TAFA2: variants seen among roughly 807,000 people sequenced by gnomAD.
TAFA2 encodes chemokine-like protein TAFA-2.
Under a neutral mutation model 18.8 loss-of-function variants are expected in TAFA2, and 7 were observed. The ratio of observed to expected loss-of-function variants is 0.37; its 90% CI spans 0.21 to 0.70. The LOEUF is 0.70. TAFA2 is among the 30% of genes least tolerant of loss of function. The probability of loss-of-function intolerance (pLI) is 0.53; values close to 1 mark genes in which losing one functional copy is unlikely to be tolerated. For synonymous variants in TAFA2, 60 were observed against 54.2 expected (o/e 1.11, Z -0.47); for missense variants, 122 against 158.1 (o/e 0.77, Z 1.23).
At chr12:62,066,432 T>G (rs1013334514) in intron 1 of TAFA2, among the ~76,000 whole-genome samples, 1 of 151,774 alleles carries the variant, frequency 6.6e-6, no homozygotes, top group African/African-American at 2.4e-5. Context: ...CCATCCTCAC[T>G]TCCCCCACTT....
intron 4 of TAFA2, among the ~76,000 whole-genome samples, chr12:61,732,059 G>C (rs902818567): frequency 6.6e-6 from 1 of 152,050 alleles, no homozygotes; most frequent in Non-Finnish European, 1.5e-5. Flanking sequence ...GAATTAAGTC[G>C]AGAGAAAGAG....
chr12:61,973,574 C>A (rs1282687716), intron 1 of TAFA2, among the ~76,000 whole-genome samples: 1 of 151,502 alleles, frequency 6.6e-6, no homozygotes, highest in Non-Finnish European at 1.5e-5. Flanking sequence ...CAAGCTATCA[C>A]CCAGAACAAT....
At chr12:61,797,596 G>C (rs1312397828) in intron 2 of TAFA2, among the ~76,000 whole-genome samples, 1 of 152,148 alleles carries the variant, frequency 6.6e-6, no homozygotes, top group Non-Finnish European at 1.5e-5. Context: ...CCTCCATGTA[G>C]AAACTCTAAG....
At chr12:62,203,403 T>C (rs1486330337) in intron 1 of TAFA2, among the ~76,000 whole-genome samples, 5 of 152,236 alleles carry the variant, frequency 3.3e-5, no homozygotes, top group Admixed American at 2.6e-4. Flanking sequence ...GTTAATTTTC[T>C]GTCTCGATCA....
chr12:62,139,574 CAGA>C (rs1329978643), intron 1 of TAFA2, among the ~76,000 whole-genome samples: 2 of 152,150 alleles, frequency 1.3e-5, no homozygotes, highest in Non-Finnish European at 2.9e-5. Context: ...TGGTTTGGGA[CAGA>C]AGAAGGGATA....
chr12:61,911,290 T>A (rs1279898861), intron 1 of TAFA2, among the ~76,000 whole-genome samples: 1 of 152,192 alleles, frequency 6.6e-6, no homozygotes, highest in Admixed American at 6.6e-5. Context: ...ACCCCTCTAG[T>A]TTCAGAATCT....
At chr12:61,760,573 G>T (rs1869500032) in intron 2 of TAFA2, among the ~76,000 whole-genome samples, 1 of 151,406 alleles carries the variant, frequency 6.6e-6, no homozygotes. Flanking sequence ...CTCAGTATGT[G>T]GTATGTGTTT....
At chr12:62,164,732 T>C (rs1290460739) in intron 1 of TAFA2, among the ~76,000 whole-genome samples, 1 of 152,156 alleles carries the variant, frequency 6.6e-6, no homozygotes, top group Non-Finnish European at 1.5e-5. Context: ...CAGAGTAGTT[T>C]CTAATTGTTA....
chr12:61,996,805 G>T (rs1880205102), intron 1 of TAFA2, among the ~76,000 whole-genome samples: 1 of 152,080 alleles, frequency 6.6e-6, no homozygotes. Context: ...TAAGTCTCAA[G>T]CAATTTCCAA....
chr12:62,255,340 A>C (rs1258380830), intron 1 of TAFA2: 1 of 152,190 alleles, frequency 6.6e-6, no homozygotes, highest in Non-Finnish European at 1.5e-5. Context: ...AATAACAAGA[A>C]AATATAAAGT....
intron 4 of TAFA2, among the ~76,000 whole-genome samples, chr12:61,744,853 G>A (rs984953925): frequency 3.3e-5 from 5 of 152,016 alleles, no homozygotes; most frequent in Admixed American, 6.6e-5. Flanking sequence ...GTCTAAAAAT[G>A]TTACTTTTAC....
At chr12:61,941,637 C>G (rs954061300) in intron 1 of TAFA2, among the ~76,000 whole-genome samples, 1 of 152,192 alleles carries the variant, frequency 6.6e-6, no homozygotes, top group East Asian at 1.9e-4. Context: ...ATTGCCTCAC[C>G]TGGGAAGCGC....
rs148086131 is a variant in TAFA2, at chr12:61,794,413, ATAATT to A, written c.107-39394_107-39390del. ...TTACAAATTGAAATTTTAAAAATGT[ATAATT>A]TAGAGTAGCATCACAAAATATGAAA... On this transcript the variant is annotated intron_variant, in intron 2 of 4. Transcript: ENST00000416284. Among the ~76,000 whole-genome samples the A allele has an allele frequency of 2.2e-3, 329 of 152,176 alleles. 1 individual carries two copies. The highest frequency in any genetic ancestry group is 3.9e-3 in the Non-Finnish European group (264 of 67,980).
intron 1 of TAFA2, among the ~76,000 whole-genome samples, chr12:62,068,503 G>A (rs1306757559): frequency 6.6e-6 from 1 of 152,020 alleles, no homozygotes; most frequent in Non-Finnish European, 1.5e-5. Flanking sequence ...TTTTCTGCTG[G>A]TATCCAAAGA....
chr12:62,035,849 C>G (rs1881593015), intron 1 of TAFA2, among the ~76,000 whole-genome samples: 1 of 144,454 alleles, frequency 6.9e-6, no homozygotes, highest in East Asian at 2.1e-4. Flanking sequence ...TCACGCCATT[C>G]TCCTGCCTCA....
chr12:62,101,046 A>G (rs1490279433), intron 1 of TAFA2, among the ~76,000 whole-genome samples: 1 of 152,148 alleles, frequency 6.6e-6, no homozygotes, highest in Non-Finnish European at 1.5e-5. Context: ...CTTCAGATAT[A>G]TCTATACACA....
rs758431166 is a variant in TAFA2, at chr12:62,013,537, C to T, written c.-1-146111G>A. On this transcript the variant is annotated intron_variant, in intron 1 of 4. Transcript: ENST00000416284. ...TACTGCACCCAGATATTAAACACTA[C>T]ACACATCATCATCACACAGCATGGT... Among the ~76,000 whole-genome samples the T allele has an allele frequency of 9.7e-4, 148 of 152,310 alleles. 3 individuals carry two copies. The highest frequency in any genetic ancestry group is 1.3e-3 in the Non-Finnish European group (86 of 68,004).
intron 1 of TAFA2, among the ~76,000 whole-genome samples, chr12:62,003,174 T>C (rs1164447786): frequency 2.0e-5 from 3 of 152,168 alleles, no homozygotes; most frequent in Non-Finnish European, 4.4e-5. Flanking sequence ...GTCAACATGG[T>C]AGCCAAAAGG....
intron 1 of TAFA2, among the ~76,000 whole-genome samples, chr12:62,053,436 G>A (rs561266407): frequency 2.9e-4 from 44 of 152,192 alleles, no homozygotes; most frequent in African/African-American, 9.4e-4. Flanking sequence ...AACTAACATA[G>A]AGAGTATGTA....
Sources: gnomAD v4.1 joint callset for allele counts (sites outside exome capture counted in the v4.1 genomes callset) on GRCh38, gnomAD v4.1.1 for gene constraint, MANE v1.5 for transcripts, NCBI Gene and HGNC (gene_info 2026-07-23, HGNC 2026-07-21) for gene names.